The following HEMK2 variants were observed in gnomAD, a reference collection of about 807,000 sequenced individuals.
HEMK2 encodes HemK methyltransferase 2, ETF1 glutamine and histone H4 lysine, also known as methyltransferase HEMK2.
At chr21:28,792,585 T>C in the HEMK2 span, among the ~76,000 whole-genome samples, 1 of 152,140 alleles carries the variant, frequency 6.6e-6, no homozygotes, top group East Asian at 1.9e-4. Context: ...TCTTTCTGGG[T>C]GAATACTTGG....
the HEMK2 span, among the ~76,000 whole-genome samples, chr21:28,877,037 A>AT: frequency 8.3e-5 from 1 of 12,062 alleles, no homozygotes; most frequent in East Asian, 1.5e-3. Flanking sequence ...GGAAGGAAGG[A>AT]GGGAGGGAGG....
chr21:28,636,208 G>C, the HEMK2 span, among the ~76,000 whole-genome samples: 6 of 151,992 alleles, frequency 3.9e-5, no homozygotes, highest in Non-Finnish European at 5.9e-5. Flanking sequence ...CACTAATAAT[G>C]GTTCATCCTG....
the HEMK2 span, among the ~76,000 whole-genome samples, chr21:28,600,994 A>T: frequency 6.6e-6 from 1 of 152,196 alleles, no homozygotes; most frequent in South Asian, 2.1e-4. Flanking sequence ...CTTAAGCCAA[A>T]AACCTTGGAG....
the HEMK2 span, among the ~76,000 whole-genome samples, chr21:28,690,443 GC>G: frequency 6.6e-6 from 1 of 152,190 alleles, no homozygotes; most frequent in Non-Finnish European, 1.5e-5. Flanking sequence ...GAGACTCATA[GC>G]AGAGAAGCAA....
chr21:28,876,024 G>T, the HEMK2 span: 1,819 of 162,184 alleles, frequency 0.011, 26 homozygotes, highest in East Asian at 0.059. Flanking sequence ...GATACACACC[G>T]GAGATACGAC....
the HEMK2 span, among the ~76,000 whole-genome samples, chr21:28,772,358 T>C: frequency 6.6e-6 from 1 of 152,192 alleles, no homozygotes; most frequent in Non-Finnish European, 1.5e-5. Flanking sequence ...TAAAATATTA[T>C]TATAAGAGCA....
the HEMK2 span, among the ~76,000 whole-genome samples, chr21:28,613,450 A>G: frequency 1.3e-5 from 2 of 152,074 alleles, no homozygotes; most frequent in Non-Finnish European, 1.5e-5. Flanking sequence ...AAAATCAATT[A>G]AATAAAATAA....
At chr21:28,845,634 T>C in the HEMK2 span, among the ~76,000 whole-genome samples, 1 of 152,078 alleles carries the variant, frequency 6.6e-6, no homozygotes, top group African/African-American at 2.4e-5. Context: ...GTTTCTTTTC[T>C]TGTTTGATTT....
chr21:28,659,524 A>T, the HEMK2 span, among the ~76,000 whole-genome samples: 1 of 152,078 alleles, frequency 6.6e-6, no homozygotes, highest in South Asian at 2.1e-4. Flanking sequence ...GTTCAAGAGG[A>T]AAGGTAGAAA....
chr21:28,852,886 T>G, the HEMK2 span, among the ~76,000 whole-genome samples: 1 of 152,218 alleles, frequency 6.6e-6, no homozygotes, highest in South Asian at 2.1e-4. Context: ...CTATTCTGAT[T>G]GCGACTTTGC....
chr21:28,861,513 G>A, the HEMK2 span, among the ~76,000 whole-genome samples: 2 of 151,912 alleles, frequency 1.3e-5, no homozygotes, highest in Admixed American at 6.5e-5. Context: ...GCCAGTTTAC[G>A]GTTTACTTCC....
chr21:28,874,589 T>C, the HEMK2 span: 13 of 152,366 alleles, frequency 8.5e-5, no homozygotes, highest in African/African-American at 2.6e-4. Context: ...CATGAAACAA[T>C]TGGGTGATGA....
At chr21:28,820,818 C>T in the HEMK2 span, among the ~76,000 whole-genome samples, 1 of 152,096 alleles carries the variant, frequency 6.6e-6, no homozygotes, top group African/African-American at 2.4e-5. Flanking sequence ...TTTTCTTTGT[C>T]TTATAAAAAT....
chr21:28,794,272 T>C, the HEMK2 span, among the ~76,000 whole-genome samples: 5 of 152,222 alleles, frequency 3.3e-5, no homozygotes, highest in Admixed American at 2.6e-4. Flanking sequence ...AACTTTTCAT[T>C]TCAGAAGTTT....
the HEMK2 span, among the ~76,000 whole-genome samples, chr21:28,779,988 T>C: frequency 6.6e-6 from 1 of 152,116 alleles, no homozygotes; most frequent in Non-Finnish European, 1.5e-5. Context: ...TGCCAACCCA[T>C]CATCTGTGTC....
chr21:28,703,716 T>A, the HEMK2 span, among the ~76,000 whole-genome samples: 5 of 152,180 alleles, frequency 3.3e-5, no homozygotes, highest in Non-Finnish European at 5.9e-5. Flanking sequence ...TTTCTTACGT[T>A]CCACATCCCT....
At chr21:28,876,175 T>C in the HEMK2 span, 4 of 356,558 alleles carry the variant, frequency 1.1e-5, no homozygotes, top group Non-Finnish European at 2.0e-5. Flanking sequence ...AATTTTTATA[T>C]TTAAAATGCA....
At chr21:28,730,574 T>C in the HEMK2 span, among the ~76,000 whole-genome samples, 3 of 152,246 alleles carry the variant, frequency 2.0e-5, no homozygotes, top group Non-Finnish European at 4.4e-5. Flanking sequence ...CATGTGGCTA[T>C]TGGCAGGAAT....
chr21:28,658,356 G>C, the HEMK2 span, among the ~76,000 whole-genome samples: 9 of 152,044 alleles, frequency 5.9e-5, no homozygotes, highest in Admixed American at 2.0e-4. Context: ...AAGTTGGCTT[G>C]AGGGCCCTAA....
Sources: gnomAD v4.1 joint callset for allele counts (sites outside exome capture counted in the v4.1 genomes callset) on GRCh38, gnomAD v4.1.1 for gene constraint, MANE v1.5 for transcripts, NCBI Gene and HGNC (gene_info 2026-07-23, HGNC 2026-07-21) for gene names.